Variants in LHX3 observed in about 807,000 individuals in gnomAD.
LHX3 encodes LIM homeobox 3.
A neutral mutation model predicts 32.4 loss-of-function variants in LHX3; 21 were observed. The ratio of observed to expected loss-of-function variants is 0.65; its 90% CI spans 0.46 to 0.93. LHX3 has a LOEUF of 0.93. Among genes scored for constraint, LHX3 ranks in the 40% least tolerant of loss-of-function variants. LHX3 has a pLI of 0.00. For missense variants in LHX3, 626 were observed against 560.0 expected (o/e 1.12, Z -1.19); for synonymous variants, 258 against 246.8 (o/e 1.05, Z -0.43).
In LHX3 at chr9:136,200,568, G is replaced by A. The variant is rs1436592510; in HGVS notation, c.251+14C>T. ...CCCTCCGCTCCCACACTGAGGTGAG[G>A]TTTCGGGGCTCACTTGAAAAAGTCG... On this transcript the variant is annotated intron_variant, in intron 2 of 5. Coordinates refer to ENST00000371748, the MANE Select transcript of LHX3 (RefSeq NM_178138.6). The A allele has an allele frequency of 6.8e-6, 11 of 1,611,632 alleles. No homozygotes were observed. In the South Asian group the frequency reaches 1.1e-4, roughly 16 times the overall value.
chr9:136,201,904 G>A (rs1831648415), intron 1 of LHX3, among the ~76,000 whole-genome samples: 1 of 152,116 alleles, frequency 6.6e-6, no homozygotes, highest in Non-Finnish European at 1.5e-5. Context: ...GGCCGACACA[G>A]CGCGGATTCA....
Position 136,199,828 on chromosome 9 carries a change from C to G in LHX3, c.304G>C (p.Val102Leu). ...ACQLGIPPTQ[V>L]VRRAQDFVYH... ...ACGAAGTCCTGGGCGCGGCGCACCA[C>G]CTGCGTGGGCGGGATGCCCAGCTGG... Residue 102 changes from valine (V) to leucine (L), a missense_variant, in exon 3 of 6, where the codon GTG becomes CTG. By Grantham distance (32) the Val-to-Leu change is conservative. Coordinates refer to ENST00000371748, the MANE Select transcript of LHX3 (RefSeq NM_178138.6). The G allele has an allele frequency of 6.2e-7, 1 of 1,609,996 alleles. No individual in the cohort carries two copies. Among genetic ancestry groups the G allele is most frequent in the Non-Finnish European group, 8.5e-7 (1 of 1,178,468 alleles).
intron 1 of LHX3, chr9:136,201,128 C>T (rs902458822): frequency 7.8e-5 from 109 of 1,389,138 alleles, no homozygotes; most frequent in Middle Eastern, 2.7e-4. Context: ...CTCTGAAGCC[C>T]GGCAGGAAAC....
At position 136,197,130 on chromosome 9, in the gene LHX3, C is replaced by T. The variant is rs1349248609; in HGVS notation, c.*195G>A. ...CTGGGAGGCCACCTGGCGGGCCAGC[C>T]CTGTGTCAGAGGAGGGGCCAGGTGG... On this transcript the variant is annotated 3_prime_UTR_variant, in exon 6 of 6. Coordinates refer to ENST00000371748, the MANE Select transcript of LHX3 (RefSeq NM_178138.6). 1.6e-6 allele frequency: 1 copy of T among 624,534 alleles called. No homozygotes were observed. The highest frequency in any genetic ancestry group is 2.8e-6 in the Non-Finnish European group (1 of 356,212). The allele number at this position is 624,534 out of a possible 1,614,324, so 38.7% of individuals were successfully genotyped here.
At chr9:136,198,467 G>C (rs568226182) in intron 5 of LHX3, among the ~76,000 whole-genome samples, 185 bp downstream of exon 5, 3 of 152,244 alleles carry the variant, frequency 2.0e-5, no homozygotes, top group Non-Finnish European at 2.9e-5. Flanking sequence ...CAGTGGTCCG[G>C]AGTGGCCACC....
Position 136,199,897 on chromosome 9 carries a change from G to A in LHX3, c.252-17C>T, listed in dbSNP as rs1259831457. The A allele has an allele frequency of 3.2e-6, 5 of 1,566,862 alleles. No homozygotes were observed. The highest frequency in any genetic ancestry group is 1.2e-5 in the South Asian group (1 of 86,662). ...CCGAAGCGCCTGCGGGACGCACAGG[G>A]CCGGGCTCAGCGCGGAAGCGCGAGG... is the stretch of plus-strand genomic sequence containing the variant. On this transcript the variant is annotated splice_polypyrimidine_tract_variant and intron_variant, in intron 2 of 5. Transcript: ENST00000371748.
chr9:136,199,163 C>A, intron 3 of LHX3, 104 bp from the exon 4 acceptor site: 2 of 539,676 alleles, frequency 3.7e-6, no homozygotes, highest in Non-Finnish European at 5.5e-6. Context: ...CCTCAGGTGC[C>A]CACCCCCATC....
rs1189788395 is a variant in LHX3 at position 136,203,266 on chromosome 9, G to C, written c.79+1668C>G. 4.0e-5 allele frequency: 16 copies of C among 402,066 alleles called. No homozygotes were observed. In the South Asian group the frequency reaches 5.1e-4, roughly 13 times the overall value. The allele number at this position is 402,066 out of a possible 1,614,324, so 24.9% of individuals were successfully genotyped here. A position where few individuals can be genotyped will look rare whatever the true frequency, so the allele number is the denominator to read the frequency against. On this transcript the variant is annotated intron_variant, in intron 1 of 5. Coordinates refer to ENST00000371748, the MANE Select transcript of LHX3 (RefSeq NM_178138.6). ...GGCCGGGGGTCGCGGAGACCAGCCCGGGCCACTGCGGACTCTGAGCGCCTT... is the reference window on the plus strand; with the variant it reads ...GGCCGGGGGTCGCGGAGACCAGCCCCGGCCACTGCGGACTCTGAGCGCCTT...
At chr9:136,203,604 C>T (rs1047237372) in intron 1 of LHX3, among the ~76,000 whole-genome samples, 2 of 152,216 alleles carry the variant, frequency 1.3e-5, no homozygotes. Context: ...GGCTGCGTAC[C>T]GGAACCGCAA....
intron 5 of LHX3, 115 bp from the exon 6 acceptor site, chr9:136,197,858 A>ACATGACAGGT: frequency 8.9e-7 from 1 of 1,120,812 alleles, no homozygotes; most frequent in Middle Eastern, 2.3e-4. Flanking sequence ...GCCCCACACC[A>ACATGACAGGT]CATGACAGGT....
chr9:136,203,031 C>T lies in LHX3; in HGVS notation c.79+1903G>A, dbSNP rs2131039944. ...CCCGGGCCGGGCCCAGCTCCCCGCG[C>T]GCCTCCATGGGTCCCGCCGCCCGGC... On this transcript the variant is annotated intron_variant, in intron 1 of 5. Transcript: ENST00000371748. 4 of 1,520,682 alleles carry T rather than the reference C, an allele frequency of 2.6e-6. No homozygotes were observed. Among genetic ancestry groups the T allele is most frequent in the Non-Finnish European group, 3.5e-6 (4 of 1,141,048 alleles). The allele number at this position is 1,520,682 out of a possible 1,614,324, so 94.2% of individuals were successfully genotyped here.
In LHX3 at chr9:136,199,816, C is replaced by G; in HGVS notation, c.316G>C (p.Ala106Pro). 6.2e-7 allele frequency: 1 copy of G among 1,611,534 alleles called. No individual in the cohort carries two copies. The highest frequency in any genetic ancestry group is 8.5e-7 in the Non-Finnish European group (1 of 1,179,300). ...GIPPTQVVRR[A>P]QDFVYHLHCF... Reference sequence around the variant, plus strand: ...TGCAGGTGGTACACGAAGTCCTGGGCGCGGCGCACCACCTGCGTGGGCGGG... The same window carrying G: ...TGCAGGTGGTACACGAAGTCCTGGGGGCGGCGCACCACCTGCGTGGGCGGG... Residue 106 changes from alanine to proline, a missense_variant, in exon 3 of 6, where the codon GCC (alanine) becomes CCC (proline). By Grantham distance (27) the Ala-to-Pro change is conservative (BLOSUM62 -1). Coordinates refer to ENST00000371748, the MANE Select transcript of LHX3 (RefSeq NM_178138.6).
chr9:136,200,154 C>T, intron 2 of LHX3: 1 of 593,118 alleles, frequency 1.7e-6, no homozygotes, highest in Non-Finnish European at 3.0e-6. Context: ...AGGGAGAGGA[C>T]CCATCTGGGG....
chr9:136,199,710 C>G lies in LHX3; in HGVS notation c.422G>C (p.Cys141Ser). 6.2e-7 allele frequency: 1 copy of G among 1,612,910 alleles called. No homozygotes were observed. The highest frequency in any genetic ancestry group is 8.5e-7 in the Non-Finnish European group (1 of 1,179,870). Residue 141 changes from cysteine (C) to serine (S), a missense_variant, in exon 3 of 6, where the codon TGC (cysteine) becomes TCC (serine). Cys to Ser is a moderately radical substitution (Grantham distance 112, BLOSUM62 -1). Coordinates refer to ENST00000371748, the MANE Select transcript of LHX3 (RefSeq NM_178138.6). ...FYLMEDSRLV[C>S]KADYETAKQR... ...CTTGGCGGTTTCGTAGTCCGCCTTGCACACGAGCCGGCTGTCCTCCATGAG... is the reference window on the plus strand; with the variant it reads ...CTTGGCGGTTTCGTAGTCCGCCTTGGACACGAGCCGGCTGTCCTCCATGAG...
At chr9:136,199,601 G>T (rs1379248284) in intron 3 of LHX3, 77 bp downstream of exon 3, 2 of 1,483,372 alleles carry the variant, frequency 1.3e-6, no homozygotes, top group Non-Finnish European at 1.9e-6. Flanking sequence ...GAATTTCCCC[G>T]GACGCCCCCC....
chr9:136,203,474 C>G (rs1444942575), intron 1 of LHX3, among the ~76,000 whole-genome samples: 1 of 152,170 alleles, frequency 6.6e-6, no homozygotes, highest in Non-Finnish European at 1.5e-5. Context: ...GGCTAAGGTT[C>G]CCGGGAGAGG....
In LHX3 at chr9:136,204,952, T is replaced by G; in HGVS notation, c.61A>C (p.Thr21Pro). 1 of 1,601,752 alleles carries G rather than the reference T, an allele frequency of 6.2e-7. No individual in the cohort carries two copies. ...GGCTTACCCCGAGTCCCGCCCAAGG[T>G]GCAGACGGCGGCGGCCCCGGGCCTC... ...RARPGAAAVC[T>P]LGGTREIPLC... is the part of the protein sequence containing the mutation. Residue 21 changes from threonine to proline, a missense_variant, in exon 1 of 6, where the codon ACC becomes CCC. By Grantham distance (38) the Thr-to-Pro change is conservative. Coordinates refer to ENST00000371748, the MANE Select transcript of LHX3 (RefSeq NM_178138.6).
At chr9:136,200,009 G>C in intron 2 of LHX3, 129 bp from the exon 3 acceptor site, 3 of 989,248 alleles carry the variant, frequency 3.0e-6, no homozygotes, top group Non-Finnish European at 4.6e-6. Context: ...GCCCTGCAGG[G>C]TGGTCGCCAG....
intron 5 of LHX3, 112 bp downstream of exon 5, chr9:136,198,540 T>C: frequency 8.2e-7 from 1 of 1,216,128 alleles, no homozygotes. Flanking sequence ...AAGTAGAACT[T>C]AAGGAGTCCA....
Sources: allele counts gnomAD v4.1 joint callset (sites outside exome capture counted in the v4.1 genomes callset), GRCh38; gene constraint gnomAD v4.1.1; transcripts MANE v1.5; gene names NCBI Gene and HGNC (gene_info 2026-07-23, HGNC 2026-07-21).